UGT2B7: variants seen among roughly 807,000 people sequenced by gnomAD.
UGT2B7 encodes the protein UDP-glucuronosyltransferase 2B7.
Under a neutral mutation model 51.9 loss-of-function variants are expected in UGT2B7, and 51 were observed. The observed-to-expected ratio is 0.98, with a 90% CI of 0.78 to 1.24. UGT2B7 has a LOEUF of 1.24. Among genes scored for constraint, UGT2B7 ranks in the 50% most tolerant of loss-of-function variants. UGT2B7 has a pLI of 0.00. For missense variants in UGT2B7, 727 were observed against 628.4 expected, an observed-to-expected ratio of 1.16 and a Z score of -1.68; for synonymous variants, 225 against 211.6, an observed-to-expected ratio of 1.06 and a Z score of -0.55.
intron 1 of UGT2B7, among the ~76,000 whole-genome samples, chr4:69,069,349 C>T (rs60930838): frequency 0.033 from 5,076 of 151,774 alleles, 119 homozygotes; most frequent in Middle Eastern, 0.11. Context: ...CTGGATAATT[C>T]AATCTCTGTA....
At chr4:69,108,415 A>G (rs1444840236) in intron 5 of UGT2B7, 93 bp downstream of exon 5, 4 of 1,372,124 alleles carry the variant, frequency 2.9e-6, no homozygotes, top group South Asian at 3.1e-5. Context: ...ATAAGAGACT[A>G]ATTTTGAAAG....
upstream of UGT2B7, among the ~76,000 whole-genome samples, chr4:69,095,898 CT>C (rs1719209479): frequency 6.6e-6 from 1 of 152,002 alleles, no homozygotes. Flanking sequence ...ATAGGCAAAT[CT>C]ATAGAGATAG....
At chr4:69,102,513 T>C (rs1719451606) in intron 2 of UGT2B7, among the ~76,000 whole-genome samples, 2 of 152,164 alleles carry the variant, frequency 1.3e-5, no homozygotes, top group South Asian at 4.1e-4. Flanking sequence ...TTTTTAACAT[T>C]ATCTCCCTGA....
At chr4:69,077,920 A>T (rs555855944) in intron 1 of UGT2B7, among the ~76,000 whole-genome samples, 2 of 152,328 alleles carry the variant, frequency 1.3e-5, no homozygotes, top group African/African-American at 4.8e-5. Context: ...TGGGTTTGTC[A>T]TAAGAAGCTC....
chr4:69,110,939 C>T (rs1455107448), intron 5 of UGT2B7, among the ~76,000 whole-genome samples: 2 of 151,786 alleles, frequency 1.3e-5, no homozygotes, highest in Non-Finnish European at 2.9e-5. Flanking sequence ...TTTTAAAATT[C>T]TAGGACTCAA....
At chr4:69,070,681 T>C (rs1487875861) in intron 1 of UGT2B7, among the ~76,000 whole-genome samples, 1 of 151,898 alleles carries the variant, frequency 6.6e-6, no homozygotes, top group Non-Finnish European at 1.5e-5. Context: ...TACATAAAAA[T>C]TAAGTGTAAA....
At chr4:69,109,496 G>A (rs1291357275) in intron 5 of UGT2B7, among the ~76,000 whole-genome samples, 19 of 152,076 alleles carry the variant, frequency 1.2e-4, no homozygotes, top group Admixed American at 5.2e-4. Context: ...AAGGTGTTGA[G>A]AATCTTCATA....
chr4:69,064,036 GAAA>G (rs2109864612), intron 1 of UGT2B7, among the ~76,000 whole-genome samples: 1 of 79,758 alleles, frequency 1.3e-5, no homozygotes, highest in Non-Finnish European at 2.3e-5. Context: ...AAGAAAGAAA[GAAA>G]GAAAGAAAGA....
intron 1 of UGT2B7, among the ~76,000 whole-genome samples, chr4:69,069,078 T>TA (rs1203351921): frequency 7.6e-6 from 1 of 131,012 alleles, no homozygotes; most frequent in East Asian, 2.1e-4. Context: ...AATTTAACAA[T>TA]AAAAAAACTT....
At chr4:69,086,298 A>T (rs1577916478) in intron 1 of UGT2B7, among the ~76,000 whole-genome samples, 1 of 151,746 alleles carries the variant, frequency 6.6e-6, no homozygotes, top group South Asian at 2.1e-4. Flanking sequence ...ATGTTCCCAT[A>T]TTCTTTCTTT....
upstream of UGT2B7, among the ~76,000 whole-genome samples, chr4:69,094,036 A>C (rs79423425): frequency 2.4e-4 from 36 of 152,182 alleles, no homozygotes; most frequent in East Asian, 6.2e-3. Context: ...CACTAATACA[A>C]GGCATACTTC....
chr4:69,070,692 A>G (rs1283623207), intron 1 of UGT2B7, among the ~76,000 whole-genome samples: 2 of 152,216 alleles, frequency 1.3e-5, no homozygotes, highest in East Asian at 1.9e-4. Context: ...TAAGTGTAAA[A>G]TGATTATTAG....
intron 3 of UGT2B7, among the ~76,000 whole-genome samples, chr4:69,105,743 G>A (rs1051662587): frequency 6.6e-6 from 1 of 152,130 alleles, no homozygotes; most frequent in African/African-American, 2.4e-5. Context: ...TGGAAGTAGT[G>A]CTTGATAATT....
At chr4:69,076,662 C>A (rs1718714243) in intron 1 of UGT2B7, among the ~76,000 whole-genome samples, 1 of 151,950 alleles carries the variant, frequency 6.6e-6, no homozygotes, top group Admixed American at 6.6e-5. Flanking sequence ...TGTTTAAGTC[C>A]TTTGTAGATT....
Position 69,108,151 on chromosome 4 carries a change from T to A in UGT2B7, c.1139T>A (p.Ile380Asn). ...AFITHGGANGIYEAIYHGIPM... is the reference protein window; with the variant it reads ...AFITHGGANGNYEAIYHGIPM... ...ATAACTCATGGTGGAGCCAATGGCA[T>A]CTACGAGGCAATCTACCATGGGATC... The change falls in exon 5 of 6, where the codon ATC becomes AAC. Residue 380 changes from isoleucine to asparagine, a missense_variant. By Grantham distance (149) the Ile-to-Asn change is moderately radical. Transcript: ENST00000305231. 6.2e-7 allele frequency: 1 copy of A among 1,613,692 alleles called. No homozygotes were observed. The highest frequency in any genetic ancestry group is 1.3e-5 in the African/African-American group (1 of 75,020).
upstream of UGT2B7, among the ~76,000 whole-genome samples, chr4:69,092,969 A>T (rs1719117183): frequency 5.3e-5 from 8 of 152,074 alleles, no homozygotes; most frequent in South Asian, 1.7e-3. Context: ...CCAGAAAAAA[A>T]AAAAAAAAAC....
Position 69,112,794 on chromosome 4 carries a change from C to T in UGT2B7, c.*58C>T. 6.7e-7 allele frequency: 1 copy of T among 1,502,876 alleles called. No homozygotes were observed. The highest frequency in any genetic ancestry group is 2.5e-5 in the East Asian group (1 of 40,718). 93.1% of individuals were successfully genotyped at this position (1,502,876 alleles called of 1,614,324 possible). On this transcript the variant is annotated 3_prime_UTR_variant, in exon 6 of 6. Transcript: ENST00000305231. ...TAGGTGAGACTACTTCAGTTTATTC[C>T]AGCAAGAAAGATTGTGATGCAAGAT...
chr4:69,059,263 TG>T (rs1449349499), intron 1 of UGT2B7, among the ~76,000 whole-genome samples: 2 of 152,192 alleles, frequency 1.3e-5, no homozygotes, highest in African/African-American at 4.8e-5. Context: ...GTGCAACTAT[TG>T]TGGGAGCCAC....
intron 3 of UGT2B7, among the ~76,000 whole-genome samples, chr4:69,104,800 A>G (rs1207605341): frequency 1.3e-5 from 2 of 152,190 alleles, no homozygotes; most frequent in Non-Finnish European, 2.9e-5. Flanking sequence ...TTACATTTTA[A>G]TGGGTAACTT....
Sources: gnomAD v4.1 joint callset for allele counts (sites outside exome capture counted in the v4.1 genomes callset) on GRCh38, gnomAD v4.1.1 for gene constraint, MANE v1.5 for transcripts, NCBI Gene and HGNC (gene_info 2026-07-23, HGNC 2026-07-21) for gene names.